Variants in ASZ1 observed in about 807,000 individuals in gnomAD.
The protein encoded by ASZ1 is ankyrin repeat, SAM and basic leucine zipper domain-containing protein 1.
A neutral mutation model predicts 61.8 loss-of-function variants in ASZ1; 67 were observed. The ratio of observed to expected loss-of-function variants is 1.08; its 90% CI spans 0.89 to 1.33. The LOEUF (loss-of-function observed/expected upper bound fraction) is 1.33. ASZ1 is among the 40% of genes most tolerant of loss of function. The pLI is 0.00. For missense variants in ASZ1, 577 were observed against 554.5 expected, an observed-to-expected ratio of 1.04 and a Z score of -0.41; for synonymous variants, 193 against 192.7, an observed-to-expected ratio of 1.00 and a Z score of -0.01.
At chr7:117,401,179 G>A (rs1466456386) in intron 4 of ASZ1, among the ~76,000 whole-genome samples, 1 of 152,148 alleles carries the variant, frequency 6.6e-6, no homozygotes, top group African/African-American at 2.4e-5. Context: ...AGGAAGAAAA[G>A]AGTGTTAAGA....
chr7:117,370,128 T>C (rs561443603), intron 10 of ASZ1, among the ~76,000 whole-genome samples: 76 of 152,208 alleles, frequency 5.0e-4, no homozygotes, highest in African/African-American at 1.7e-3. Flanking sequence ...TAAAGACTCA[T>C]GAAGATAGAT....
chr7:117,389,463 C>T (rs1271939862), intron 4 of ASZ1, among the ~76,000 whole-genome samples: 1 of 152,086 alleles, frequency 6.6e-6, no homozygotes, highest in Non-Finnish European at 1.5e-5. Flanking sequence ...TTCTACTTTT[C>T]CCACCAGGCA....
chr7:117,375,571 G>T (rs1245634331), intron 10 of ASZ1, among the ~76,000 whole-genome samples: 1 of 151,974 alleles, frequency 6.6e-6, no homozygotes, highest in African/African-American at 2.4e-5. Flanking sequence ...AATGCTCTAT[G>T]TCTCCATCTA....
chr7:117,426,460 G>A (rs1290850467), intron 2 of ASZ1, among the ~76,000 whole-genome samples: 1 of 123,662 alleles, frequency 8.1e-6, no homozygotes, highest in African/African-American at 3.2e-5. Context: ...CTGCACTCCA[G>A]CCTGGGCCAC....
intron 4 of ASZ1, among the ~76,000 whole-genome samples, chr7:117,401,536 G>A (rs1172530068): frequency 6.6e-6 from 1 of 152,036 alleles, no homozygotes; most frequent in Non-Finnish European, 1.5e-5. Flanking sequence ...ATGTTTAAGG[G>A]GTTGAAGGAG....
chr7:117,377,745 T>C (rs1311762159), intron 10 of ASZ1, among the ~76,000 whole-genome samples: 1 of 152,030 alleles, frequency 6.6e-6, no homozygotes, highest in Non-Finnish European at 1.5e-5. Context: ...GCCAAGATGA[T>C]TTTGAAAAAG....
intron 4 of ASZ1, among the ~76,000 whole-genome samples, chr7:117,407,339 T>C (rs890107504): frequency 2.6e-5 from 4 of 151,472 alleles, no homozygotes; most frequent in Admixed American, 1.3e-4. Context: ...ATCAGGGATA[T>C]AGGAGGCTTA....
Position 117,377,284 on chromosome 7 carries a change from A to T in ASZ1, c.1055+2654T>A, listed in dbSNP as rs552086731. Among the ~76,000 whole-genome samples the T allele has an allele frequency of 7.3e-4, 111 of 152,270 alleles. 1 individual carries two copies. The highest frequency in any genetic ancestry group is 7.1e-3 in the Admixed American group (109 of 15,284). On this transcript the variant is annotated intron_variant, in intron 10 of 12. Coordinates refer to ENST00000284629, the MANE Select transcript of ASZ1 (RefSeq NM_130768.3). ...GGTCAGGTTTGTCATCCCAGTACTT[A>T]GGGAGCCGAGGTGGGAGGATCACTT...
intron 4 of ASZ1, among the ~76,000 whole-genome samples, chr7:117,406,300 TA>T (rs918734691): frequency 1.3e-5 from 2 of 152,156 alleles, no homozygotes; most frequent in East Asian, 1.9e-4. Context: ...CAGATGTATT[TA>T]AAAAAGGTTT....
At chr7:117,380,139 A>G (rs1373593915) in intron 9 of ASZ1, 92 bp from the exon 10 acceptor site, 3 of 794,852 alleles carry the variant, frequency 3.8e-6, no homozygotes, top group African/African-American at 3.5e-5. Flanking sequence ...TGATGAATTC[A>G]CATCTTGAAA....
intron 4 of ASZ1, among the ~76,000 whole-genome samples, chr7:117,394,898 T>C (rs967187848): frequency 6.6e-6 from 1 of 152,232 alleles, no homozygotes; most frequent in Non-Finnish European, 1.5e-5. Context: ...TTCATTTCTA[T>C]TGTTATTTTG....
intron 2 of ASZ1, among the ~76,000 whole-genome samples, chr7:117,424,245 A>C (rs1797154823): frequency 1.3e-5 from 2 of 152,236 alleles, no homozygotes; most frequent in Non-Finnish European, 2.9e-5. Context: ...CAAATGGTTA[A>C]AAGTGGCTGA....
chr7:117,419,733 C>T (rs1182425581), intron 4 of ASZ1, among the ~76,000 whole-genome samples: 3 of 151,930 alleles, frequency 2.0e-5, no homozygotes, highest in East Asian at 1.9e-4. Flanking sequence ...CTAGTTAATT[C>T]GTGAAGTCTT....
At chr7:117,381,907 G>T (rs1250770222) in intron 8 of ASZ1, among the ~76,000 whole-genome samples, 162 bp downstream of exon 8, 1 of 152,018 alleles carries the variant, frequency 6.6e-6, no homozygotes, top group Non-Finnish European at 1.5e-5. Flanking sequence ...ATACATTTTT[G>T]CAATGTTTTT....
In ASZ1 at chr7:117,372,195, C is replaced by T. The variant is rs1454392807; in HGVS notation, c.1056-3478G>A. Among the ~76,000 whole-genome samples the T allele has an allele frequency of 7.2e-5, 11 of 152,142 alleles. No individual in the cohort carries two copies. The East Asian group carries it at 1.7e-3, about 24-fold the overall frequency. Reference sequence around the variant, plus strand: ...GCAGATATGACATAGGTATAGTAGACTGCATTATTTGATCAAATTCTCATG... The same window carrying T: ...GCAGATATGACATAGGTATAGTAGATTGCATTATTTGATCAAATTCTCATG... On this transcript the variant is annotated intron_variant, in intron 10 of 12. Transcript: ENST00000284629.
intron 4 of ASZ1, among the ~76,000 whole-genome samples, chr7:117,396,151 C>T (rs971896078): frequency 3.9e-5 from 6 of 152,186 alleles, no homozygotes; most frequent in African/African-American, 1.4e-4. Context: ...ATATTTGTGA[C>T]ACCTATTTGT....
chr7:117,377,215 A>G (rs1796154160), intron 10 of ASZ1, among the ~76,000 whole-genome samples: 1 of 152,180 alleles, frequency 6.6e-6, no homozygotes, highest in Admixed American at 6.5e-5. Context: ...GTATGATGAA[A>G]ATGACAAAAT....
chr7:117,373,623 T>C (rs963438601), intron 10 of ASZ1, among the ~76,000 whole-genome samples: 28 of 152,180 alleles, frequency 1.8e-4, no homozygotes, highest in Admixed American at 1.6e-3. Context: ...TTTGAACAAA[T>C]GGTAAGTAAA....
Position 117,367,449 on chromosome 7 carries a change from G to C in ASZ1, c.1178C>G (p.Ala393Gly). ...VNSQKITLEWASPQNFTSVCE... is the reference protein window; with the variant it reads ...VNSQKITLEWGSPQNFTSVCE... ...AACTGAAGTAAAATTCTGGGGAGAA[G>C]CCCATTCCAGTGTTATCTGTTAATA... The change falls in exon 12 of 13, where the codon GCT (alanine) becomes GGT (glycine). Residue 393 changes from alanine (A) to glycine (G), a missense_variant. Transcript: ENST00000284629. 6.5e-7 allele frequency: 1 copy of C among 1,533,608 alleles called. No homozygotes were observed.
Sources: gnomAD v4.1 joint callset for allele counts (sites outside exome capture counted in the v4.1 genomes callset) on GRCh38, gnomAD v4.1.1 for gene constraint, MANE v1.5 for transcripts, NCBI Gene and HGNC (gene_info 2026-07-23, HGNC 2026-07-21) for gene names.